The following ARHGAP12 variants were observed in gnomAD, a reference collection of about 807,000 sequenced individuals.
ARHGAP12 encodes the protein rho GTPase-activating protein 12.
A neutral mutation model predicts 108.6 loss-of-function variants in ARHGAP12; 64 were observed. The observed-to-expected ratio is 0.59, with a 90% CI of 0.48 to 0.73. The LOEUF is 0.73. Among genes scored for constraint, ARHGAP12 ranks in the 30% least tolerant of loss-of-function variants. ARHGAP12 has a pLI of 0.00. For missense variants in ARHGAP12, 940 were observed against 1,005.9 expected, an observed-to-expected ratio of 0.93 and a Z score of 0.89; for synonymous variants, 312 against 337.2, an observed-to-expected ratio of 0.93 and a Z score of 0.82.
intron 9 of ARHGAP12, among the ~76,000 whole-genome samples, chr10:31,834,788 G>A (rs1835951191): frequency 6.6e-6 from 1 of 152,164 alleles, no homozygotes; most frequent in Non-Finnish European, 1.5e-5. Context: ...AAAGAAATAT[G>A]AGGGTCAATA....
chr10:31,810,219 G>A (rs1834963811), intron 16 of ARHGAP12, among the ~76,000 whole-genome samples: 1 of 152,056 alleles, frequency 6.6e-6, no homozygotes, highest in East Asian at 1.9e-4. Flanking sequence ...TTTTTATCTC[G>A]TGAGACATTT....
chr10:31,861,572 G>C lies in ARHGAP12; in HGVS notation c.771C>G (p.Pro257=), dbSNP rs1245757905. 6.2e-7 allele frequency: 1 copy of C among 1,614,162 alleles called. No homozygotes were observed. Among genetic ancestry groups the C allele is most frequent in the Non-Finnish European group, 8.5e-7 (1 of 1,180,030 alleles). The change falls in exon 4 of 20, where the codon CCC becomes CCG. Residue 257 remains proline, a synonymous_variant. Transcript: ENST00000344936. ...GAATTGCCGGGCTCCCAGGAAGTGG[G>C]GGAAGAGCAGACTGGGATATTTTCA... ...QELKISQSAL[P]PLPGSPAIQI... is the part of the protein sequence containing the mutation.
intron 3 of ARHGAP12, among the ~76,000 whole-genome samples, chr10:31,883,197 A>C (rs536243207): frequency 9.2e-5 from 14 of 152,280 alleles, no homozygotes; most frequent in Admixed American, 6.5e-4. Context: ...CCGGAGGCTG[A>C]GGCAGGAGAA....
chr10:31,914,074 A>C (rs549632979), intron 1 of ARHGAP12, among the ~76,000 whole-genome samples: 59 of 152,326 alleles, frequency 3.9e-4, no homozygotes, highest in African/African-American at 1.4e-3. Flanking sequence ...TGTTCTGTTA[A>C]CTAAACTAAA....
chr10:31,860,146 AAATT>A (rs2132304001), intron 4 of ARHGAP12, among the ~76,000 whole-genome samples: 1 of 152,328 alleles, frequency 6.6e-6, no homozygotes, highest in African/African-American at 2.4e-5. Flanking sequence ...CTAAAAACAC[AAATT>A]ATTACCAAAC....
intron 13 of ARHGAP12, 127 bp downstream of exon 13, chr10:31,817,661 A>G (rs775161913): frequency 1.8e-6 from 1 of 556,722 alleles, no homozygotes; most frequent in Non-Finnish European, 3.1e-6. Context: ...TGTTTTTTCC[A>G]TCTCTGTCAA....
At chr10:31,890,816 C>A (rs1351691273) in intron 3 of ARHGAP12, among the ~76,000 whole-genome samples, 1 of 152,116 alleles carries the variant, frequency 6.6e-6, no homozygotes, top group Non-Finnish European at 1.5e-5. Flanking sequence ...CCTGAATTAA[C>A]CAGAAAATCC....
intron 3 of ARHGAP12, among the ~76,000 whole-genome samples, chr10:31,882,816 AAAAG>A (rs1404377093): frequency 1.3e-5 from 1 of 77,662 alleles, no homozygotes; most frequent in Non-Finnish European, 2.8e-5. Context: ...CTGTCTCTTA[AAAAG>A]AAAAAAAAAA....
At chr10:31,919,169 T>C (rs1839685678) in intron 1 of ARHGAP12, among the ~76,000 whole-genome samples, 1 of 151,718 alleles carries the variant, frequency 6.6e-6, no homozygotes, top group South Asian at 2.1e-4. Flanking sequence ...GTACCTAGAG[T>C]AGTCAAATTC....
chr10:31,852,719 AC>A (rs1470162638), intron 5 of ARHGAP12, 122 bp from the exon 6 acceptor site: 20 of 589,740 alleles, frequency 3.4e-5, no homozygotes, highest in South Asian at 1.6e-4. Flanking sequence ...GAACATTGCA[AC>A]AAAAAATTCT....
intron 3 of ARHGAP12, among the ~76,000 whole-genome samples, chr10:31,865,804 G>T (rs1319209771): frequency 6.6e-6 from 1 of 151,898 alleles, no homozygotes; most frequent in Non-Finnish European, 1.5e-5. Context: ...CGTGAACCCA[G>T]GAGGCAGAGC....
At chr10:31,869,348 C>T (rs559434529) in intron 3 of ARHGAP12, among the ~76,000 whole-genome samples, 17 of 152,122 alleles carry the variant, frequency 1.1e-4, no homozygotes, top group African/African-American at 3.9e-4. Flanking sequence ...AGTAGCCTGG[C>T]CAACATGCTG....
intron 11 of ARHGAP12, among the ~76,000 whole-genome samples, chr10:31,824,433 T>C (rs1835527941): frequency 6.6e-6 from 1 of 152,194 alleles, no homozygotes; most frequent in African/African-American, 2.4e-5. Flanking sequence ...TCAAATTGGC[T>C]TGCTCAGTAA....
chr10:31,881,865 T>A (rs538301537), intron 3 of ARHGAP12, among the ~76,000 whole-genome samples: 33 of 151,786 alleles, frequency 2.2e-4, no homozygotes, highest in Admixed American at 2.0e-3. Context: ...ATAGGAGAAA[T>A]AAGTGTTTCA....
chr10:31,912,596 T>C (rs562876804), intron 1 of ARHGAP12, among the ~76,000 whole-genome samples: 1 of 152,272 alleles, frequency 6.6e-6, no homozygotes, highest in African/African-American at 2.4e-5. Flanking sequence ...TTAAAGGCAA[T>C]GAGAAGTAGG....
chr10:31,833,726 C>T (rs896461646), intron 9 of ARHGAP12, among the ~76,000 whole-genome samples: 15 of 152,168 alleles, frequency 9.9e-5, no homozygotes, highest in Non-Finnish European at 2.1e-4. Context: ...AGAAAGACAT[C>T]AGACAGCCTC....
At position 31,831,811 on chromosome 10, in the gene ARHGAP12, G is replaced by C. The variant is rs763287975; in HGVS notation, c.1387-11C>G. 1.3e-6 allele frequency: 2 copies of C among 1,509,530 alleles called. No individual in the cohort carries two copies. Among genetic ancestry groups the C allele is most frequent in the East Asian group, 2.3e-5 (1 of 42,990 alleles). 93.5% of individuals were successfully genotyped at this position (1,509,530 alleles called of 1,614,324 possible). ...ATATTTCTCTTGATCCTATGGAACA[G>C]AGTAATACTGTTTATACAATCACAT... On this transcript the variant is annotated splice_polypyrimidine_tract_variant and intron_variant, in intron 9 of 19. Coordinates refer to ENST00000344936, the MANE Select transcript of ARHGAP12 (RefSeq NM_018287.7).
intron 1 of ARHGAP12, among the ~76,000 whole-genome samples, chr10:31,918,256 T>TA (rs1839642332): frequency 6.6e-6 from 1 of 151,894 alleles, no homozygotes; most frequent in Non-Finnish European, 1.5e-5. Context: ...GGAGCATCTG[T>TA]ATATAAGCGG....
At chr10:31,859,799 CT>C (rs371109977) in intron 4 of ARHGAP12, among the ~76,000 whole-genome samples, 213 of 144,144 alleles carry the variant, frequency 1.5e-3, no homozygotes, top group Admixed American at 1.5e-3. Context: ...TAAAATTTTC[CT>C]TTTTTTTTTT....
Sources: gnomAD v4.1 joint callset for allele counts (sites outside exome capture counted in the v4.1 genomes callset) on GRCh38, gnomAD v4.1.1 for gene constraint, MANE v1.5 for transcripts, NCBI Gene and HGNC (gene_info 2026-07-23, HGNC 2026-07-21) for gene names.